Variants in TRAPPC8 observed in about 807,000 individuals in gnomAD.
The protein encoded by TRAPPC8 is trafficking protein particle complex subunit 8.
A neutral mutation model predicts 174.3 loss-of-function variants in TRAPPC8; 54 were observed. The observed-to-expected ratio is 0.31, with a 90% confidence interval of 0.25 to 0.39. The LOEUF is 0.39. TRAPPC8 is among the 10% of genes least tolerant of loss of function. The pLI, the probability that TRAPPC8 is intolerant of heterozygous loss-of-function variation, is 1.00. For synonymous variants in TRAPPC8, 630 were observed against 579.9 expected (o/e 1.09, Z -1.24); for missense variants, 1,531 against 1,699.1 (o/e 0.90, Z 1.74).
chr18:31,869,002 C>CT (rs111488120), intron 16 of TRAPPC8, among the ~76,000 whole-genome samples: 3,482 of 141,314 alleles, frequency 0.025, 110 homozygotes, highest in African/African-American at 0.077. Context: ...TTCCAAAATC[C>CT]TTTTTTTTTT....
chr18:31,904,629 G>A (rs939144933), intron 9 of TRAPPC8, among the ~76,000 whole-genome samples: 1 of 152,138 alleles, frequency 6.6e-6, no homozygotes, highest in Admixed American at 6.5e-5. Flanking sequence ...ATCTATTTTA[G>A]AATGCCTCTG....
chr18:31,836,825 G>A (rs1019413493), intron 27 of TRAPPC8, among the ~76,000 whole-genome samples: 3 of 142,614 alleles, frequency 2.1e-5, no homozygotes, highest in Admixed American at 7.3e-5. Flanking sequence ...GCAGTGGCAC[G>A]ATCTCGGCTC....
intron 2 of TRAPPC8, among the ~76,000 whole-genome samples, chr18:31,925,474 A>T (rs1383758459): frequency 6.6e-6 from 1 of 152,180 alleles, no homozygotes; most frequent in African/African-American, 2.4e-5. Context: ...AAATAAAAAG[A>T]CAGAGATAGA....
At chr18:31,858,417 GGT>G (rs2034148917) in intron 19 of TRAPPC8, among the ~76,000 whole-genome samples, 1 of 152,042 alleles carries the variant, frequency 6.6e-6, no homozygotes, top group South Asian at 2.1e-4. Flanking sequence ...ATTTACTATG[GGT>G]TTTAAAGTGA....
At position 31,943,053 on chromosome 18, in the gene TRAPPC8, A is replaced by G; in HGVS notation, c.-289T>C. On this transcript the variant is annotated 5_prime_UTR_variant, in exon 1 of 29. Transcript: ENST00000283351. ...CGACAGTCACCACTTAGTCCTTCGGACGGCAAAACCTTGGTCACTGCCCGG... is the reference window on the plus strand; with the variant it reads ...CGACAGTCACCACTTAGTCCTTCGGGCGGCAAAACCTTGGTCACTGCCCGG... The G allele has an allele frequency of 1.9e-6, 1 of 513,682 alleles. No individual in the cohort carries two copies. The highest frequency in any genetic ancestry group is 3.0e-6 in the Non-Finnish European group (1 of 330,060). The allele number at this position is 513,682 out of a possible 1,614,324, so 31.8% of individuals were successfully genotyped here.
At chr18:31,866,314 T>C (rs1307502537) in intron 18 of TRAPPC8, among the ~76,000 whole-genome samples, 2 of 152,130 alleles carry the variant, frequency 1.3e-5, no homozygotes, top group Non-Finnish European at 2.9e-5. Context: ...CTATGTTAAA[T>C]GCACATATCG....
chr18:31,850,441 T>A (rs1307247405), intron 24 of TRAPPC8, among the ~76,000 whole-genome samples: 2 of 152,178 alleles, frequency 1.3e-5, no homozygotes, highest in African/African-American at 4.8e-5. Context: ...CAATATCCAA[T>A]GAAGCAGAAT....
At chr18:31,895,171 G>C (rs776304948) in intron 11 of TRAPPC8, among the ~76,000 whole-genome samples, 8 of 152,128 alleles carry the variant, frequency 5.3e-5, no homozygotes, top group Non-Finnish European at 7.3e-5. Flanking sequence ...AGGGAACACA[G>C]CTCAGGAATG....
chr18:31,920,941 G>A (rs1183547800), intron 2 of TRAPPC8, among the ~76,000 whole-genome samples: 3 of 103,784 alleles, frequency 2.9e-5, no homozygotes, highest in South Asian at 8.8e-4. Flanking sequence ...GCGACACTCC[G>A]TCTCAAAAAA....
intron 25 of TRAPPC8, among the ~76,000 whole-genome samples, chr18:31,849,236 T>C (rs1400788445): frequency 6.6e-6 from 1 of 152,130 alleles, no homozygotes; most frequent in African/African-American, 2.4e-5. Context: ...GGAGCCAAGG[T>C]AGTGGATTTC....
At chr18:31,837,751 T>C (rs1039321227) in intron 27 of TRAPPC8, among the ~76,000 whole-genome samples, 1 of 151,556 alleles carries the variant, frequency 6.6e-6, no homozygotes, top group Non-Finnish European at 1.5e-5. Flanking sequence ...ATTTTAAAAG[T>C]CCATTAACAC....
chr18:31,877,506 G>A (rs1259563633), intron 12 of TRAPPC8, among the ~76,000 whole-genome samples: 3 of 151,516 alleles, frequency 2.0e-5, no homozygotes, highest in African/African-American at 7.3e-5. Context: ...CACCTACTCG[G>A]GAGGCTGAGG....
At chr18:31,936,350 G>A (rs1372583742) in intron 1 of TRAPPC8, among the ~76,000 whole-genome samples, 2 of 151,824 alleles carry the variant, frequency 1.3e-5, no homozygotes, top group Non-Finnish European at 2.9e-5. Flanking sequence ...TGTAATCCCA[G>A]CTACCCAGGA....
Position 31,839,507 on chromosome 18 carries a change from A to T in TRAPPC8, c.3838-50T>A, listed in dbSNP as rs749475638. 63 of 347,962 alleles carry T rather than the reference A, an allele frequency of 1.8e-4. No individual in the cohort carries two copies. Among genetic ancestry groups the T allele is most frequent in the South Asian group, 1.4e-3 (18 of 12,884 alleles). The allele number at this position is 347,962 out of a possible 1,614,324, so 21.6% of individuals were successfully genotyped here. On this transcript the variant is annotated intron_variant, in intron 26 of 28. Transcript: ENST00000283351. The stretch of plus-strand genomic sequence containing the variant: ...TGACAATAAAAACACTACCTTGTTT[A>T]AAAAAAAAAAAAGCATAGTGTATAT...
chr18:31,870,517 G>A lies in TRAPPC8; in HGVS notation c.2258-15C>T, dbSNP rs566844490. On this transcript the variant is annotated splice_polypyrimidine_tract_variant and intron_variant, in intron 15 of 28. Coordinates refer to ENST00000283351, the MANE Select transcript of TRAPPC8 (RefSeq NM_014939.5). Reference sequence around the variant, plus strand: ...TGTAATTGGTTCTATTAAAAAAAAGGCCTAAATTAATAACTTTAATAAACA... The same window carrying A: ...TGTAATTGGTTCTATTAAAAAAAAGACCTAAATTAATAACTTTAATAAACA... The A allele has an allele frequency of 2.0e-4, 314 of 1,593,876 alleles. No homozygotes were observed. Among genetic ancestry groups the A allele is most frequent in the Non-Finnish European group, 2.6e-4 (304 of 1,173,186 alleles).
intron 19 of TRAPPC8, 143 bp from the exon 20 acceptor site, chr18:31,858,125 G>T: frequency 1.5e-6 from 1 of 654,498 alleles, no homozygotes; most frequent in Non-Finnish European, 2.5e-6. Flanking sequence ...CTGAATATGT[G>T]GCAGTTAATG....
At chr18:31,855,513 T>G in intron 21 of TRAPPC8, 147 bp downstream of exon 21, 1 of 654,516 alleles carries the variant, frequency 1.5e-6, no homozygotes, top group Non-Finnish European at 2.5e-6. Context: ...TAATGAAGAA[T>G]TAAGATGATT....
chr18:31,849,277 T>C (rs945986488), intron 25 of TRAPPC8, among the ~76,000 whole-genome samples: 4 of 152,124 alleles, frequency 2.6e-5, no homozygotes, highest in South Asian at 2.1e-4. Flanking sequence ...TTTCCCTCTG[T>C]AGAATGTTTG....
chr18:31,924,800 C>A (rs72932138), intron 2 of TRAPPC8, among the ~76,000 whole-genome samples: 1,715 of 150,728 alleles, frequency 0.011, 18 homozygotes, highest in Non-Finnish European at 0.02. Flanking sequence ...ATTGCCTCCA[C>A]CTGCTTTTAA....
Sources: allele counts gnomAD v4.1 joint callset (sites outside exome capture counted in the v4.1 genomes callset), GRCh38; gene constraint gnomAD v4.1.1; transcripts MANE v1.5; gene names NCBI Gene and HGNC (gene_info 2026-07-23, HGNC 2026-07-21).